The following AHCYL2 variants were observed in gnomAD, a reference collection of about 807,000 sequenced individuals.
AHCYL2 encodes S-adenosylhomocysteine hydrolase-like protein 2.
AHCYL2 carries 28 observed loss-of-function variants against 81.4 expected under a neutral mutation model. That is an observed-to-expected ratio of 0.34 (90% CI 0.25 to 0.47). AHCYL2 has a LOEUF of 0.47. Ranked by LOEUF, AHCYL2 falls within the 20% of genes least tolerant of loss-of-function variation. AHCYL2 has a pLI of 1.00. For synonymous variants in AHCYL2, 272 were observed against 290.2 expected, an observed-to-expected ratio of 0.94 and a Z score of 0.64; for missense variants, 551 against 785.1, an observed-to-expected ratio of 0.70 and a Z score of 3.56.
rs1797479644 is a variant in AHCYL2 at position 129,429,163 on chromosome 7, A to T, written c.*2118A>T. 1 of 152,214 alleles carries T rather than the reference A, an allele frequency of 6.6e-6. No individual in the cohort carries two copies. Among genetic ancestry groups the T allele is most frequent in the South Asian group, 2.1e-4 (1 of 4,830 alleles). The allele number at this position is 152,214 out of a possible 1,614,324, so 9.4% of individuals were successfully genotyped here. ...TAGTGAAGAGACCCACTCCAAATAAAAAAGGGGCCACACGGGGCTTCTAAG... is the reference window on the plus strand; with the variant it reads ...TAGTGAAGAGACCCACTCCAAATAATAAAGGGGCCACACGGGGCTTCTAAG... On this transcript the variant is annotated 3_prime_UTR_variant, in exon 17 of 17. Transcript: ENST00000325006.
At position 129,291,014 on chromosome 7, in the gene AHCYL2, A is replaced by G. The variant is rs192421906; in HGVS notation, c.363+65575A>G. 1.6e-3 allele frequency among the ~76,000 whole-genome samples: 241 copies of G among 151,982 alleles called. 2 individuals are homozygous for G. The highest frequency in any genetic ancestry group is 0.013 in the Admixed American group (194 of 15,266). On this transcript the variant is annotated intron_variant, in intron 1 of 16. Transcript: ENST00000325006. ...TGGCATTGTTTCCACTATTGTTTCC[A>G]GTGGATCTTTTAATTATATTTATTA...
At position 129,368,699 on chromosome 7, in the gene AHCYL2, C is replaced by T; in HGVS notation, c.364-10939C>T. On this transcript the variant is annotated intron_variant, in intron 1 of 16. Coordinates refer to ENST00000325006, the MANE Select transcript of AHCYL2 (RefSeq NM_015328.4). This position sits in a 1 kb window ranked among gnomAD's most constrained non-coding sequence, Gnocchi z 4.4. ...TTATTACTCTACGTTCTGATTAGTT[C>T]CTAGGTACTAGGTCACCACTGTTTC... 2.0e-6 allele frequency: 2 copies of T among 980,046 alleles called. No homozygotes were observed. The highest frequency in any genetic ancestry group is 3.1e-6 in the Non-Finnish European group (2 of 643,178). The allele number at this position is 980,046 out of a possible 1,614,324, so 60.7% of individuals were successfully genotyped here.
rs1186606893 is a variant in AHCYL2 at position 129,426,183 on chromosome 7, C to T, written c.1709-260C>T. 2.0e-5 allele frequency among the ~76,000 whole-genome samples: 3 copies of T among 152,172 alleles called. No homozygotes were observed. The highest frequency in any genetic ancestry group is 2.9e-5 in the Non-Finnish European group (2 of 68,042). On this transcript the variant is annotated intron_variant, in intron 15 of 16. Transcript: ENST00000325006. This position sits in a 1 kb window ranked among gnomAD's most constrained non-coding sequence, Gnocchi z 4.3. ...TCTTAATGCCTGTTGTTTCTTTCAT[C>T]TCTCCTGCACTTTTCTGGAAGGCAG... is the stretch of plus-strand genomic sequence containing the variant.
chr7:129,289,379 A>G (rs1441951135), intron 1 of AHCYL2, among the ~76,000 whole-genome samples: 1 of 152,208 alleles, frequency 6.6e-6, no homozygotes, highest in East Asian at 1.9e-4. Flanking sequence ...GGCGCAAGCC[A>G]CCTCGTCCAA....
At chr7:129,420,031 T>C (rs536575487) in intron 12 of AHCYL2, among the ~76,000 whole-genome samples, 37 of 152,346 alleles carry the variant, frequency 2.4e-4, no homozygotes, top group African/African-American at 8.7e-4. Context: ...TTATTGGAGC[T>C]TCCTGGACAG....
intron 1 of AHCYL2, among the ~76,000 whole-genome samples, chr7:129,264,736 G>A (rs973647522): frequency 6.6e-6 from 1 of 152,164 alleles, no homozygotes; most frequent in Non-Finnish European, 1.5e-5. Context: ...CGAAGGCTAA[G>A]GTCTTTATGG....
chr7:129,244,063 A>G (rs925433083), intron 1 of AHCYL2, among the ~76,000 whole-genome samples: 1 of 151,212 alleles, frequency 6.6e-6, no homozygotes, highest in Non-Finnish European at 1.5e-5. Context: ...CAGTGGTGCA[A>G]TCATGGTTCA....
At chr7:129,300,243 T>C (rs1797212506) in intron 1 of AHCYL2, among the ~76,000 whole-genome samples, 1 of 152,170 alleles carries the variant, frequency 6.6e-6, no homozygotes, top group Admixed American at 6.6e-5. Context: ...TATTCATTCT[T>C]CCTGGTTTTT....
At chr7:129,360,704 C>CGTGT (rs149996224) in intron 1 of AHCYL2, among the ~76,000 whole-genome samples, 2 of 151,430 alleles carry the variant, frequency 1.3e-5, no homozygotes, top group Non-Finnish European at 2.9e-5. Flanking sequence ...TTTTGAAAGA[C>CGTGT]GTGTGTGTGT....
chr7:129,294,147 G>C (rs996009717), intron 1 of AHCYL2, among the ~76,000 whole-genome samples: 3 of 152,130 alleles, frequency 2.0e-5, no homozygotes, highest in Non-Finnish European at 4.4e-5. Context: ...ATGTTTAGTT[G>C]GTAGAACAAT....
chr7:129,394,373 T>C (rs1385720146), intron 4 of AHCYL2, among the ~76,000 whole-genome samples: 1 of 151,620 alleles, frequency 6.6e-6, no homozygotes, highest in Non-Finnish European at 1.5e-5. Context: ...ATGTGCCCGG[T>C]CTGATGATAA....
At position 129,370,657 on chromosome 7, in the gene AHCYL2, C is replaced by T. The variant is rs534411019; in HGVS notation, c.364-8981C>T. On this transcript the variant is annotated intron_variant, in intron 1 of 16. Transcript: ENST00000325006. ...AGCTTACAGTGAGCTGAGATCGCGCCACTGCACTCCAGCCTGGGCGACAGG... is the reference window on the plus strand; with the variant it reads ...AGCTTACAGTGAGCTGAGATCGCGCTACTGCACTCCAGCCTGGGCGACAGG... Among the ~76,000 whole-genome samples, 163 of 152,308 alleles carry T rather than the reference C, an allele frequency of 1.1e-3. 1 individual carries two copies. Among genetic ancestry groups the T allele is most frequent in the African/African-American group, 3.8e-3 (159 of 41,570 alleles).
Position 129,430,160 on chromosome 7 carries a change from G to C in AHCYL2, c.*3115G>C, listed in dbSNP as rs1380629689. The C allele has an allele frequency of 6.6e-6, 1 of 152,430 alleles. No homozygotes were observed. Among genetic ancestry groups the C allele is most frequent in the Non-Finnish European group, 1.5e-5 (1 of 68,012 alleles). 9.4% of individuals were successfully genotyped at this position (152,430 alleles called of 1,614,324 possible). A position where few individuals can be genotyped will look rare whatever the true frequency, so the allele number is the denominator to read the frequency against. On this transcript the variant is annotated 3_prime_UTR_variant, in exon 17 of 17. Transcript: ENST00000325006. ...ATGTCTAAGTGATTGTATTAGATCA[G>C]CAATAATGACTATGTAATCTCAAAA...
chr7:129,389,372 G>A (rs1795355116), intron 3 of AHCYL2, among the ~76,000 whole-genome samples, 173 bp downstream of exon 3: 2 of 131,520 alleles, frequency 1.5e-5, no homozygotes, highest in Non-Finnish European at 1.6e-5. Context: ...AAGTCTAGAA[G>A]GAACCCTGTA....
chr7:129,359,960 A>G (rs1187952637), intron 1 of AHCYL2, among the ~76,000 whole-genome samples: 1 of 152,212 alleles, frequency 6.6e-6, no homozygotes, highest in African/African-American at 2.4e-5. Context: ...TATACTAAGC[A>G]TAATTTTGTT....
intron 1 of AHCYL2, among the ~76,000 whole-genome samples, chr7:129,304,475 G>A (rs1469268095): frequency 6.6e-6 from 1 of 152,184 alleles, no homozygotes; most frequent in Admixed American, 6.5e-5. Context: ...TGCTGAAAAT[G>A]GGATGTTGAA....
chr7:129,227,069 C>T (rs1451138269), intron 1 of AHCYL2, among the ~76,000 whole-genome samples: 3 of 152,116 alleles, frequency 2.0e-5, no homozygotes, highest in African/African-American at 4.8e-5. Context: ...GCCTAGTACC[C>T]CCATTACTAC....
intron 1 of AHCYL2, among the ~76,000 whole-genome samples, chr7:129,287,839 G>T (rs1215851717): frequency 6.6e-6 from 1 of 152,080 alleles, no homozygotes; most frequent in African/African-American, 2.4e-5. Context: ...GGAAAATGTC[G>T]ATCATGTACT....
rs1283315473 is a variant in AHCYL2, at chr7:129,225,217, T to C, written c.141T>C (p.Gly47=). The C allele has an allele frequency of 6.5e-7, 1 of 1,529,330 alleles. No homozygotes were observed. Among genetic ancestry groups the C allele is most frequent in the African/African-American group, 1.4e-5 (1 of 70,560 alleles). 94.7% of individuals were successfully genotyped at this position (1,529,330 alleles called of 1,614,324 possible). The change falls in exon 1 of 17, where the codon GGT becomes GGC. Residue 47 remains glycine (G), a synonymous_variant. Coordinates refer to ENST00000325006, the MANE Select transcript of AHCYL2 (RefSeq NM_015328.4). ...GCGCCATGGCCCCCCCGGCGGGCGG[T>C]GGAGACCCTGAGGCTCCAGCTCCCG... ...AVGAMAPPAG[G]GDPEAPAPAA...
Sources: allele counts gnomAD v4.1 joint callset (sites outside exome capture counted in the v4.1 genomes callset), GRCh38; gene constraint gnomAD v4.1.1; non-coding constraint Gnocchi (gnomAD v3.1); transcripts MANE v1.5; gene names NCBI Gene and HGNC (gene_info 2026-07-23, HGNC 2026-07-21).